Variants in NCBP3 observed in about 807,000 individuals in gnomAD.
NCBP3 encodes the protein nuclear cap binding subunit 3.
Under a neutral mutation model 75.7 loss-of-function variants are expected in NCBP3, and 20 were observed. That is an observed-to-expected ratio of 0.26 (90% confidence interval 0.19 to 0.38). The LOEUF (loss-of-function observed/expected upper bound fraction) is 0.38. Ranked by LOEUF, NCBP3 falls within the 10% of genes least tolerant of loss-of-function variation. The pLI, the probability that NCBP3 is intolerant of heterozygous loss-of-function variation, is 1.00. For missense variants in NCBP3, 678 were observed against 796.9 expected, an observed-to-expected ratio of 0.85 and a Z score of 1.80; for synonymous variants, 293 against 290.5, an observed-to-expected ratio of 1.01 and a Z score of -0.09.
At position 3,826,695 on chromosome 17, in the gene NCBP3, A is replaced by AGAAGGAAGGAAG. The variant is rs375511950; in HGVS notation, c.482-492_482-481dup. On this transcript the variant is annotated intron_variant, in intron 4 of 12. Coordinates refer to ENST00000389005, the MANE Select transcript of NCBP3 (RefSeq NM_001114118.3). ...AAGAAAGAGAAAGAGAGACAGAAAG[A>AGAAGGAAGGAAG]GAAGGAAGGAAGGAAGGAAGGAAGG... Among the ~76,000 whole-genome samples the AGAAGGAAGGAAG allele has an allele frequency of 6.9e-3, 1,012 of 146,056 alleles. 16 individuals are homozygous for AGAAGGAAGGAAG. Among genetic ancestry groups the AGAAGGAAGGAAG allele is most frequent in the African/African-American group, 0.025 (943 of 37,474 alleles).
chr17:3,818,544 A>G lies in NCBP3; in HGVS notation c.1029T>C (p.Ile343=), dbSNP rs1466779186. The G allele has an allele frequency of 1.2e-6, 2 of 1,609,370 alleles. No individual in the cohort carries two copies. The highest frequency in any genetic ancestry group is 2.7e-5 in the African/African-American group (2 of 74,892). The part of the protein sequence containing the change: ...SGLVNVPEEP[I]EEEEEEEEEE... ...CCTCCTCCTCCTCTTCCTCCTCTTC[A>G]ATGGGTTCCTCGGGAACATTCACTA... The change falls in exon 10 of 13, where the codon ATT becomes ATC. Residue 343 remains isoleucine, a synonymous_variant. Coordinates refer to ENST00000389005, the MANE Select transcript of NCBP3 (RefSeq NM_001114118.3). The surrounding 1 kb of genome is among the most constrained non-coding windows in gnomAD (Gnocchi z 4.7).
In NCBP3 at chr17:3,818,082, T is replaced by C. The variant is rs1245232478; in HGVS notation, c.1310+181A>G. Among the ~76,000 whole-genome samples, 1 of 152,222 alleles carries C rather than the reference T, an allele frequency of 6.6e-6. No individual in the cohort carries two copies. The highest frequency in any genetic ancestry group is 2.4e-5 in the African/African-American group (1 of 41,454). On this transcript the variant is annotated intron_variant, in intron 10 of 12. Coordinates refer to ENST00000389005, the MANE Select transcript of NCBP3 (RefSeq NM_001114118.3). This position sits in a 1 kb window ranked among gnomAD's most constrained non-coding sequence, Gnocchi z 4.7. The stretch of plus-strand genomic sequence containing the variant: ...GATGATTTTCACTTTCTATGTTGTC[T>C]TTTGTTTTTATAACAAGAATCACTG...
chr17:3,815,434 G>A (rs2053512211), intron 11 of NCBP3, among the ~76,000 whole-genome samples: 1 of 152,182 alleles, frequency 6.6e-6, no homozygotes, highest in Non-Finnish European at 1.5e-5. Flanking sequence ...CTGGCACATA[G>A]CAGGTACGGC....
At chr17:3,816,781 C>T (rs568260516) in intron 10 of NCBP3, among the ~76,000 whole-genome samples, 1 of 152,356 alleles carries the variant, frequency 6.6e-6, no homozygotes, top group South Asian at 2.1e-4. Flanking sequence ...TGCCTGTAAT[C>T]CCAGCACTTT....
chr17:3,842,925 T>C (rs2054091547), intron 2 of NCBP3, among the ~76,000 whole-genome samples, 161 bp downstream of exon 2: 1 of 152,142 alleles, frequency 6.6e-6, no homozygotes, highest in African/African-American at 2.4e-5. Context: ...ATTACAGGCA[T>C]GAGCCAGCGT....
intron 9 of NCBP3, 60 bp downstream of exon 9, chr17:3,821,189 A>G: frequency 8.1e-7 from 1 of 1,238,866 alleles, no homozygotes; most frequent in Non-Finnish European, 1.2e-6. Context: ...TGCATTAAGA[A>G]TAAAAATATG....
At chr17:3,815,902 T>C (rs17175740) in intron 11 of NCBP3, among the ~76,000 whole-genome samples, 4,711 of 152,298 alleles carry the variant, frequency 0.031, 104 homozygotes, top group Admixed American at 0.083. Flanking sequence ...ACAACTGTAA[T>C]TATTTGGAAT....
chr17:3,820,606 A>G (rs2053643016), intron 9 of NCBP3, among the ~76,000 whole-genome samples: 1 of 152,240 alleles, frequency 6.6e-6, no homozygotes, highest in African/African-American at 2.4e-5. Context: ...GAAAAAGAAC[A>G]ATACAATCAG....
intron 3 of NCBP3, 111 bp from the exon 4 acceptor site, chr17:3,829,479 G>A: frequency 8.4e-7 from 1 of 1,188,940 alleles, no homozygotes; most frequent in Non-Finnish European, 1.2e-6. Context: ...AAAGAAACAT[G>A]CTGAGAGAAA....
intron 3 of NCBP3, 39 bp downstream of exon 3, chr17:3,840,060 TG>T (rs764156166): frequency 1.3e-6 from 2 of 1,492,084 alleles, no homozygotes; most frequent in Non-Finnish European, 1.8e-6. Flanking sequence ...AGGCACTCTC[TG>T]GGGAAATGTG....
In NCBP3 at chr17:3,812,969, G is replaced by C; in HGVS notation, c.*75C>G. ...GCGAGAGGGCGCCAGCTCCTGCGGG[G>C]GAGGTTCCTACTGCGCGCCCCACCC... On this transcript the variant is annotated 3_prime_UTR_variant, in exon 13 of 13. Transcript: ENST00000389005. The C allele has an allele frequency of 3.8e-6, 6 of 1,586,240 alleles. No individual in the cohort carries two copies. The highest frequency in any genetic ancestry group is 5.1e-6 in the Non-Finnish European group (6 of 1,166,140).
At chr17:3,839,113 AT>A (rs2054022830) in intron 3 of NCBP3, among the ~76,000 whole-genome samples, 1 of 152,166 alleles carries the variant, frequency 6.6e-6, no homozygotes, top group Non-Finnish European at 1.5e-5. Context: ...AAAAGTAGTA[AT>A]TTTTCCTTTT....
In NCBP3 at chr17:3,814,317, C is replaced by T. The variant is rs1479339838; in HGVS notation, c.1627+5G>A. 6.2e-7 allele frequency: 1 copy of T among 1,613,840 alleles called. No homozygotes were observed. The highest frequency in any genetic ancestry group is 2.2e-5 in the East Asian group (1 of 44,900). On this transcript the variant is annotated splice_donor_5th_base_variant and intron_variant, in intron 12 of 12. Transcript: ENST00000389005. ...CCATTCCCATCCGTTTTAAGTGTTA[C>T]CAACCTGATTTCTTCTCCCGAGTAT...
intron 12 of NCBP3, among the ~76,000 whole-genome samples, chr17:3,813,612 C>T (rs960593829): frequency 6.6e-6 from 1 of 152,232 alleles, no homozygotes; most frequent in Admixed American, 6.5e-5. Context: ...TGTGCCAATC[C>T]ATTCTGCCAG....
At chr17:3,836,107 C>T (rs1039113545) in intron 3 of NCBP3, among the ~76,000 whole-genome samples, 6 of 152,190 alleles carry the variant, frequency 3.9e-5, no homozygotes, top group South Asian at 2.1e-4. Context: ...ACTTAACACA[C>T]GTTATCTTTT....
At position 3,818,147 on chromosome 17, in the gene NCBP3, T is replaced by C; in HGVS notation, c.1310+116A>G. 1.1e-6 allele frequency: 1 copy of C among 894,900 alleles called. No individual in the cohort carries two copies. The allele number at this position is 894,900 out of a possible 1,614,324, so 55.4% of individuals were successfully genotyped here. On this transcript the variant is annotated intron_variant, in intron 10 of 12. Coordinates refer to ENST00000389005, the MANE Select transcript of NCBP3 (RefSeq NM_001114118.3). The surrounding 1 kb of genome is among the most constrained non-coding windows in gnomAD (Gnocchi z 4.7). ...ATACTGGATGCGTTTATTAAACTCC[T>C]ACAAGGGACTGAAATCAGAATAGAT...
At chr17:3,825,928 T>A in intron 5 of NCBP3, 85 bp from the exon 6 acceptor site, 1 of 1,417,282 alleles carries the variant, frequency 7.1e-7, no homozygotes, top group Non-Finnish European at 9.7e-7. Flanking sequence ...CATATAATTT[T>A]AAAAGTCCAG....
chr17:3,819,542 A>T (rs1429179284), intron 9 of NCBP3, among the ~76,000 whole-genome samples: 1 of 150,996 alleles, frequency 6.6e-6, no homozygotes, highest in Admixed American at 6.6e-5. Flanking sequence ...CCTGGGCAAC[A>T]GAGCAAGACT....
Position 3,813,264 on chromosome 17 carries a change from C to T in NCBP3, c.1643G>A (p.Arg548His). The T allele has an allele frequency of 2.5e-6, 4 of 1,614,026 alleles. No individual in the cohort carries two copies. Among genetic ancestry groups the T allele is most frequent in the Non-Finnish European group, 3.4e-6 (4 of 1,180,012 alleles). Residue 548 changes from arginine to histidine, a missense_variant, in exon 13 of 13, where the codon CGC becomes CAC. This residue lies in a region of NCBP3 where 365 missense variants were observed against 392.7 expected (regional missense o/e 0.93). Transcript: ENST00000389005. ...REKKSGNLWTRLGSAPKTKEK... is the reference protein window; with the variant it reads ...REKKSGNLWTHLGSAPKTKEK... ...TTTGGTCTTGGGTGCAGATCCTAGG[C>T]GAGTCCATAAATTACCTGTTTGGAT...
Sources: allele counts gnomAD v4.1 joint callset (sites outside exome capture counted in the v4.1 genomes callset), GRCh38; gene constraint gnomAD v4.1.1; regional missense constraint gnomAD v4.1.1; non-coding constraint Gnocchi (gnomAD v3.1); transcripts MANE v1.5; gene names NCBI Gene and HGNC (gene_info 2026-07-23, HGNC 2026-07-21).